The following AK5 variants were observed in gnomAD, a reference collection of about 807,000 sequenced individuals.
The protein encoded by AK5 is adenylate kinase 5.
AK5 carries 27 observed loss-of-function variants against 69.5 expected under a neutral mutation model. The observed-to-expected ratio is 0.39, with a 90% CI of 0.29 to 0.54. AK5 has a LOEUF of 0.54. AK5 is among the 20% of genes least tolerant of loss of function. The pLI is 0.71. For synonymous variants in AK5, 260 were observed against 244.4 expected (o/e 1.06, Z -0.60); for missense variants, 531 against 700.4 (o/e 0.76, Z 2.73).
intron 7 of AK5, among the ~76,000 whole-genome samples, chr1:77,415,749 C>T (rs901930786): frequency 2.6e-5 from 4 of 152,132 alleles, no homozygotes; most frequent in African/African-American, 9.7e-5. Context: ...AGCACTGTAG[C>T]GAAAGAGGGT....
intron 6 of AK5, among the ~76,000 whole-genome samples, chr1:77,392,850 C>T (rs1648578597): frequency 1.3e-5 from 2 of 151,954 alleles, no homozygotes; most frequent in African/African-American, 4.8e-5. Flanking sequence ...ATTCCAAATT[C>T]ATCACTTTGC....
chr1:77,525,846 T>C (rs1658251267), intron 12 of AK5, among the ~76,000 whole-genome samples: 1 of 152,250 alleles, frequency 6.6e-6, no homozygotes, highest in African/African-American at 2.4e-5. Context: ...TTTTGATTAC[T>C]GTAGCTTAGT....
chr1:77,527,569 T>C (rs144763270), intron 12 of AK5, among the ~76,000 whole-genome samples: 1 of 152,360 alleles, frequency 6.6e-6, no homozygotes, highest in African/African-American at 2.4e-5. Context: ...CACATTTCAT[T>C]ACTGAGCATA....
intron 7 of AK5, among the ~76,000 whole-genome samples, chr1:77,416,350 T>C (rs1275887431): frequency 6.6e-6 from 1 of 152,308 alleles, no homozygotes; most frequent in East Asian, 1.9e-4. Context: ...AGGGCTGTGC[T>C]GACAGCATGA....
chr1:77,299,161 T>G (rs778405592), intron 5 of AK5, among the ~76,000 whole-genome samples: 10 of 152,074 alleles, frequency 6.6e-5, no homozygotes, highest in Non-Finnish European at 1.3e-4. Context: ...TGTTTAAAAT[T>G]TTTGCAAACC....
chr1:77,531,749 C>G (rs1570319989), intron 12 of AK5, among the ~76,000 whole-genome samples: 1 of 152,008 alleles, frequency 6.6e-6, no homozygotes, highest in Non-Finnish European at 1.5e-5. Flanking sequence ...CTGCCAGTCC[C>G]GCGCCCTGCG....
At position 77,521,872 on chromosome 1, in the gene AK5, G is replaced by A. The variant is rs150764329; in HGVS notation, c.1357G>A (p.Gly453Arg). Residue 453 changes from glycine to arginine, a missense_variant, in exon 12 of 14, where the codon GGG becomes AGG. By Grantham distance (125) the Gly-to-Arg change is moderately radical. Transcript: ENST00000354567. Reference sequence around the variant, plus strand: ...GAAGGAGGCCATGGTGGCCAGCCTCGGGGACACCAGGGGCTTCCTGATTGA... The same window carrying A: ...GAAGGAGGCCATGGTGGCCAGCCTCAGGGACACCAGGGGCTTCCTGATTGA... The part of the protein sequence containing the change: ...LLKEAMVASL[G>R]DTRGFLIDGY... The A allele has an allele frequency of 6.8e-5, 110 of 1,613,414 alleles. No homozygotes were observed. The African/African-American group carries it at 1.0e-3, about 15-fold the overall frequency.
intron 10 of AK5, among the ~76,000 whole-genome samples, chr1:77,505,032 C>T (rs1266194290): frequency 6.6e-6 from 1 of 152,106 alleles, no homozygotes; most frequent in African/African-American, 2.4e-5. Context: ...ATGAATTAAA[C>T]TTTTAAGATT....
chr1:77,412,369 A>G lies in AK5; in HGVS notation c.982+1298A>G, dbSNP rs565392736. On this transcript the variant is annotated intron_variant, in intron 7 of 13. Transcript: ENST00000354567. ...CCTTAACAGCAGTTTCCAGGTGTCT[A>G]CTTTCTCCTCTCTGTACCTCAGAGC... Among the ~76,000 whole-genome samples the G allele has an allele frequency of 2.4e-4, 37 of 152,228 alleles. No homozygotes were observed. In the South Asian group the frequency reaches 6.2e-3, roughly 26 times the overall value.
intron 13 of AK5, among the ~76,000 whole-genome samples, chr1:77,545,986 TG>T (rs1659526063): frequency 3.3e-5 from 5 of 152,338 alleles, no homozygotes; most frequent in African/African-American, 1.2e-4. Flanking sequence ...TTTTTCTTTA[TG>T]ACTCTGCTTA....
chr1:77,488,387 C>CA (rs1655736562), intron 10 of AK5, among the ~76,000 whole-genome samples: 1 of 71,384 alleles, frequency 1.4e-5, no homozygotes, highest in South Asian at 7.7e-4. Context: ...ATTTTCCTGG[C>CA]ATCCAGACCA....
chr1:77,383,908 A>G lies in AK5; in HGVS notation c.892-27073A>G, dbSNP rs954094905. Reference sequence around the variant, plus strand: ...AAAATGTAATATAATTGCTCCAGTTATTAAGGAAAATGTATTTCCCTTCAC... The same window carrying G: ...AAAATGTAATATAATTGCTCCAGTTGTTAAGGAAAATGTATTTCCCTTCAC... On this transcript the variant is annotated intron_variant, in intron 6 of 13. Transcript: ENST00000354567. Among the ~76,000 whole-genome samples the G allele has an allele frequency of 2.0e-5, 3 of 151,944 alleles. No homozygotes were observed. The South Asian group carries it at 6.2e-4, about 32-fold the overall frequency.
intron 6 of AK5, among the ~76,000 whole-genome samples, chr1:77,350,416 C>A (rs1006404820): frequency 6.6e-6 from 1 of 152,164 alleles, no homozygotes; most frequent in African/African-American, 2.4e-5. Flanking sequence ...TCAAACTGAG[C>A]AAGGCACTGA....
At chr1:77,305,869 T>C (rs1470130391) in intron 5 of AK5, among the ~76,000 whole-genome samples, 4 of 152,134 alleles carry the variant, frequency 2.6e-5, no homozygotes, top group Non-Finnish European at 5.9e-5. Flanking sequence ...TTTTTTTCTA[T>C]TTCTGTGAAG....
chr1:77,291,910 A>G (rs143379565), intron 2 of AK5, among the ~76,000 whole-genome samples: 1 of 152,356 alleles, frequency 6.6e-6, no homozygotes, highest in East Asian at 1.9e-4. Flanking sequence ...AAGTCAGCAA[A>G]GTCCTCTTGC....
At chr1:77,506,479 A>G (rs761180937) in intron 10 of AK5, among the ~76,000 whole-genome samples, 2 of 151,998 alleles carry the variant, frequency 1.3e-5, no homozygotes, top group Non-Finnish European at 2.9e-5. Context: ...ACCACCACCA[A>G]CAGGCACCAG....
At chr1:77,308,708 C>T (rs1659781049) in intron 5 of AK5, among the ~76,000 whole-genome samples, 1 of 151,998 alleles carries the variant, frequency 6.6e-6, no homozygotes, top group Admixed American at 6.6e-5. Flanking sequence ...TTTTATTAAC[C>T]AAGCAGTAAA....
chr1:77,310,466 G>A (rs1056054623), intron 5 of AK5, among the ~76,000 whole-genome samples: 6 of 151,808 alleles, frequency 4.0e-5, no homozygotes, highest in African/African-American at 7.3e-5. Flanking sequence ...TGCAAGCTCC[G>A]CCTTCCGGGT....
intron 2 of AK5, among the ~76,000 whole-genome samples, chr1:77,289,414 C>G (rs1658551190): frequency 6.6e-6 from 1 of 152,066 alleles, no homozygotes. Flanking sequence ...ATGTCTGGCT[C>G]CCTGTTAAAT....
Sources: allele counts gnomAD v4.1 joint callset (sites outside exome capture counted in the v4.1 genomes callset), GRCh38; gene constraint gnomAD v4.1.1; transcripts MANE v1.5; gene names NCBI Gene and HGNC (gene_info 2026-07-23, HGNC 2026-07-21).